Variants in CROCC observed in about 807,000 individuals in gnomAD.
The protein encoded by CROCC is ciliary rootlet coiled-coil, rootletin.
In CROCC, 180 loss-of-function variants were observed where a neutral mutation model predicts 245.2. That is an observed-to-expected ratio of 0.73 (90% CI 0.65 to 0.83). CROCC has a LOEUF of 0.83. CROCC is among the 40% of genes least tolerant of loss of function. CROCC has a pLI of 0.00. For missense variants in CROCC, 2,688 were observed against 2,779.4 expected, an observed-to-expected ratio of 0.97 and a Z score of 0.74; for synonymous variants, 1,205 against 1,241.6, an observed-to-expected ratio of 0.97 and a Z score of 0.62.
chr1:16,923,605 T>C (rs2075459443), intron 2 of CROCC, among the ~76,000 whole-genome samples: 1 of 152,166 alleles, frequency 6.6e-6, no homozygotes, highest in African/African-American at 2.4e-5. Flanking sequence ...CCTTTAAAGT[T>C]CCATGAAGCC....
intron 27 of CROCC, among the ~76,000 whole-genome samples, chr1:16,964,218 G>C (rs192771668): frequency 7.2e-6 from 1 of 139,696 alleles, no homozygotes; most frequent in Admixed American, 7.4e-5. Context: ...TACAACCTCT[G>C]TCTCCAGGGT....
rs769695979 is a variant in CROCC at position 16,970,730 on chromosome 1, A to G, written c.5747A>G (p.Glu1916Gly). The G allele has an allele frequency of 4.4e-6, 7 of 1,604,142 alleles. No individual in the cohort carries two copies. Among genetic ancestry groups the G allele is most frequent in the Non-Finnish European group, 5.1e-6 (6 of 1,176,134 alleles). The change falls in exon 35 of 37, where the codon GAG becomes GGG. Residue 1916 changes from glutamate (E) to glycine (G), a missense_variant. By Grantham distance (98) the Glu-to-Gly change is moderately conservative. Transcript: ENST00000375541. ...CGCACCCTCACGGGGGCTGAGCTGG[A>G]GCTGGCAGAGGCGCAGAGGCAGATC... ...LDRTLTGAEL[E>G]LAEAQRQIQQ...
chr1:16,955,816 C>G (rs577726384), intron 24 of CROCC, among the ~76,000 whole-genome samples, 181 bp from the exon 25 acceptor site: 2 of 152,056 alleles, frequency 1.3e-5, no homozygotes, highest in South Asian at 4.1e-4. Flanking sequence ...AGTCACTGGT[C>G]TACCCCTCCC....
chr1:16,969,440 C>T (rs2076475858), intron 32 of CROCC, 100 bp downstream of exon 32: 1 of 1,206,500 alleles, frequency 8.3e-7, no homozygotes, highest in Admixed American at 2.3e-5. Context: ...GCCAATGGGG[C>T]AGTCAGTTGG....
intron 3 of CROCC, among the ~76,000 whole-genome samples, chr1:16,928,026 G>A (rs2075575441): frequency 6.6e-6 from 1 of 152,282 alleles, no homozygotes. Context: ...TGCAGGCCTG[G>A]AGGGCACCTT....
chr1:16,963,309 G>A (rs2076363930), intron 27 of CROCC, among the ~76,000 whole-genome samples: 1 of 152,078 alleles, frequency 6.6e-6, no homozygotes, highest in Non-Finnish European at 1.5e-5. Context: ...GCAGCTGGGA[G>A]GGGGACTCGG....
Position 16,946,841 on chromosome 1 carries a change from A to ACGG in CROCC, c.2366_2368dup (p.Arg789dup). On this transcript the variant is annotated inframe_insertion, in exon 17 of 37. Transcript: ENST00000375541. The stretch of plus-strand genomic sequence containing the variant: ...CCACAGTGGCGCGGGAAGAGCAGGA[A>ACGG]CGGCTAGAGGAGCTGCGGTTGGAGC... 2 of 1,554,546 alleles carry ACGG rather than the reference A, an allele frequency of 1.3e-6. No homozygotes were observed. The highest frequency in any genetic ancestry group is 1.7e-6 in the Non-Finnish European group (2 of 1,148,858).
intron 30 of CROCC, among the ~76,000 whole-genome samples, chr1:16,967,663 G>T (rs2076441207): frequency 6.6e-6 from 1 of 152,070 alleles, no homozygotes; most frequent in Non-Finnish European, 1.5e-5. Flanking sequence ...GGGATGGGAG[G>T]ACCCCTAGTC....
intron 8 of CROCC, 65 bp downstream of exon 8, chr1:16,931,462 C>T (rs546779408): frequency 4.9e-6 from 7 of 1,433,700 alleles, no homozygotes; most frequent in South Asian, 1.2e-5. Context: ...TCCAACTGAA[C>T]TCAGTTGAAT....
At chr1:16,964,797 C>T (rs1318168982) in intron 27 of CROCC, among the ~76,000 whole-genome samples, 1 of 152,248 alleles carries the variant, frequency 6.6e-6, no homozygotes, top group Non-Finnish European at 1.5e-5. Context: ...ATTCTCCAAC[C>T]TCAGCTTCTC....
chr1:16,929,272 C>A (rs1328861840), intron 3 of CROCC, among the ~76,000 whole-genome samples: 1 of 152,280 alleles, frequency 6.6e-6, no homozygotes, highest in African/African-American at 2.4e-5. Flanking sequence ...GTGTGCATAT[C>A]TTTAAGGTCA....
At chr1:16,946,187 T>C in intron 15 of CROCC, 72 bp from the exon 16 acceptor site, 3 of 1,519,096 alleles carry the variant, frequency 2.0e-6, no homozygotes, top group Non-Finnish European at 2.7e-6. Flanking sequence ...TCTCTCTGGG[T>C]CTCTTCTTGG....
Position 16,948,861 on chromosome 1 carries a change from A to G in CROCC, c.2771A>G (p.Glu924Gly), listed in dbSNP as rs757064370. 1.3e-5 allele frequency: 21 copies of G among 1,611,302 alleles called. No individual in the cohort carries two copies. The highest frequency in any genetic ancestry group is 1.8e-5 in the Non-Finnish European group (21 of 1,179,888). Reference sequence around the variant, plus strand: ...GTGCAACGGCAGCTGGCCCAGCTTGAGGCCCGCCGGGAGCAGCTGGAAGCC... The same window carrying G: ...GTGCAACGGCAGCTGGCCCAGCTTGGGGCCCGCCGGGAGCAGCTGGAAGCC... ...FEVQRQLAQL[E>G]ARREQLEAEG... Residue 924 changes from glutamate to glycine, a missense_variant, in exon 19 of 37, where the codon GAG (glutamate) becomes GGG (glycine). Coordinates refer to ENST00000375541, the MANE Select transcript of CROCC (RefSeq NM_014675.5).
intron 2 of CROCC, 97 bp from the exon 3 acceptor site, chr1:16,924,228 C>T (rs2075476494): frequency 6.8e-7 from 1 of 1,474,034 alleles, no homozygotes; most frequent in East Asian, 2.3e-5. Context: ...ATCTGGACTC[C>T]TCCCAGGGGC....
chr1:16,966,762 T>C lies in CROCC; in HGVS notation c.4860+191T>C, dbSNP rs537034282. On this transcript the variant is annotated intron_variant, in intron 30 of 36. Coordinates refer to ENST00000375541, the MANE Select transcript of CROCC (RefSeq NM_014675.5). This position sits in a 1 kb window ranked among gnomAD's most constrained non-coding sequence, Gnocchi z 4.8. The stretch of plus-strand genomic sequence containing the variant: ...CATGTCACTTGTGGTCACTAGGCTG[T>C]AGAAAAAAGAGCTTGGTCAAGGTGC... Among the ~76,000 whole-genome samples the C allele has an allele frequency of 3.9e-5, 6 of 152,206 alleles. No homozygotes were observed. The highest frequency in any genetic ancestry group is 1.4e-4 in the African/African-American group (6 of 41,532).
intron 15 of CROCC, 85 bp from the exon 16 acceptor site, chr1:16,946,174 C>G: frequency 7.0e-7 from 1 of 1,438,718 alleles, no homozygotes; most frequent in Non-Finnish European, 9.4e-7. Context: ...CTCTGAGGGT[C>G]CATCTCTCTG....
At chr1:16,950,829 A>G (rs951923082) in intron 19 of CROCC, 124 bp from the exon 20 acceptor site, 41 of 781,244 alleles carry the variant, frequency 5.2e-5, no homozygotes, top group Admixed American at 7.4e-5. Context: ...GAGGACCCAA[A>G]CTAGATGCCA....
chr1:16,945,512 A>G lies in CROCC; in HGVS notation c.2042A>G (p.Glu681Gly). 2 of 1,611,638 alleles carry G rather than the reference A, an allele frequency of 1.2e-6. No individual in the cohort carries two copies. The highest frequency in any genetic ancestry group is 1.7e-6 in the Non-Finnish European group (2 of 1,179,720). Residue 681 changes from glutamate (E) to glycine (G), a missense_variant, in exon 15 of 37, where the codon GAG becomes GGG. Glu to Gly is a moderately conservative substitution (Grantham distance 98). Transcript: ENST00000375541. Reference sequence around the variant, plus strand: ...GGGAAGCGCTCAGTCCTGGCCAAGGAGCTGGTGGAGGTGAGGGAGGCGCTG... The same window carrying G: ...GGGAAGCGCTCAGTCCTGGCCAAGGGGCTGGTGGAGGTGAGGGAGGCGCTG... Reference protein sequence around the residue: ...LEGKRSVLAKELVEVREALSR... With the variant: ...LEGKRSVLAKGLVEVREALSR...
In CROCC at chr1:16,938,395, T is replaced by G. The variant is rs72644310; in HGVS notation, c.1291-5T>G. On this transcript the variant is annotated splice_region_variant and splice_polypyrimidine_tract_variant and intron_variant, in intron 10 of 36. Coordinates refer to ENST00000375541, the MANE Select transcript of CROCC (RefSeq NM_014675.5). ...CCACCCTTTGTCTCCCTAACCGCAC[T>G]CCAGGAATCCCTGCGGCTACAGGAG... The G allele has an allele frequency of 0.064, 98,725 of 1,551,622 alleles. 3,184 individuals carry two copies. The highest frequency in any genetic ancestry group is 0.073 in the Non-Finnish European group (83,884 of 1,145,522).
Sources: allele counts gnomAD v4.1 joint callset (sites outside exome capture counted in the v4.1 genomes callset), GRCh38; gene constraint gnomAD v4.1.1; non-coding constraint Gnocchi (gnomAD v3.1); transcripts MANE v1.5; gene names NCBI Gene and HGNC (gene_info 2026-07-23, HGNC 2026-07-21).